POLD1: variants seen among roughly 807,000 people sequenced by gnomAD.
POLD1 encodes the protein DNA polymerase delta 1, catalytic subunit.
In POLD1, 79 loss-of-function variants were observed where a neutral mutation model predicts 129.7. The ratio of observed to expected loss-of-function variants is 0.61; its 90% CI spans 0.51 to 0.73. The LOEUF is 0.73. Among genes scored for constraint, POLD1 ranks in the 30% least tolerant of loss-of-function variants. The pLI is 0.00. For synonymous variants in POLD1, 714 were observed against 683.3 expected (o/e 1.04, Z -0.70); for missense variants, 1,338 against 1,595.8 (o/e 0.84, Z 2.75).
chr19:50,393,682 A>G (rs1017801499), intron 1 of POLD1, among the ~76,000 whole-genome samples: 16 of 152,150 alleles, frequency 1.1e-4, no homozygotes, highest in Admixed American at 6.5e-5. Context: ...GAGAGAAAGT[A>G]ATAATAAAGC....
intron 10 of POLD1, among the ~76,000 whole-genome samples, chr19:50,403,956 T>C (rs1215290270): frequency 6.6e-6 from 1 of 150,520 alleles, no homozygotes. Context: ...GAGGGGGGAG[T>C]GTGTTGACTG....
intron 1 of POLD1, among the ~76,000 whole-genome samples, chr19:50,391,329 T>C (rs1161912767): frequency 6.6e-6 from 1 of 152,112 alleles, no homozygotes; most frequent in Non-Finnish European, 1.5e-5. Flanking sequence ...CTCGGCACTT[T>C]GGGAGGCCAA....
chr19:50,388,171 G>A (rs1015900396), intron 1 of POLD1, among the ~76,000 whole-genome samples: 26 of 152,198 alleles, frequency 1.7e-4, no homozygotes, highest in African/African-American at 6.3e-4. Context: ...GGTGGGGGCA[G>A]ATGGGCTGAA....
chr19:50,407,723 TA>T (rs1307837905), intron 14 of POLD1, among the ~76,000 whole-genome samples: 4 of 136,952 alleles, frequency 2.9e-5, no homozygotes, highest in African/African-American at 1.2e-4. Context: ...CACGCCTGGC[TA>T]ATTTTTTTTT....
intron 14 of POLD1, 59 bp downstream of exon 14, chr19:50,407,474 G>A (rs1419938333): frequency 8.4e-7 from 1 of 1,185,680 alleles, no homozygotes; most frequent in Admixed American, 2.3e-5. Context: ...TGAGGTGGGA[G>A]GATCACTTGA....
intron 14 of POLD1, among the ~76,000 whole-genome samples, chr19:50,407,898 C>T (rs1318767626): frequency 6.6e-6 from 1 of 151,122 alleles, no homozygotes; most frequent in African/African-American, 2.4e-5. Flanking sequence ...ATTAGCCAGG[C>T]GTGGTGGTGC....
chr19:50,408,772 G>T lies in POLD1; in HGVS notation c.1776-13G>T. On this transcript the variant is annotated splice_polypyrimidine_tract_variant and intron_variant, in intron 14 of 26. Transcript: ENST00000440232. ...CTAGCCCTGACTCCCGGCCGCGGCT[G>T]CTCCCCTCCCAGGTACTACGACGTC... 1 of 1,613,406 alleles carries T rather than the reference G, an allele frequency of 6.2e-7. No homozygotes were observed. The highest frequency in any genetic ancestry group is 8.5e-7 in the Non-Finnish European group (1 of 1,179,874).
chr19:50,402,199 C>G lies in POLD1; in HGVS notation c.590-6C>G, dbSNP rs750984038. 24 of 1,583,976 alleles carry G rather than the reference C, an allele frequency of 1.5e-5. No individual in the cohort carries two copies. The highest frequency in any genetic ancestry group is 2.0e-5 in the Non-Finnish European group (23 of 1,163,472). ...ATTGGCTGGTCCCAGCTTCTTCCAT[C>G]CACAGGCATGTTTGGGTACCACGGG... On this transcript the variant is annotated splice_polypyrimidine_tract_variant and splice_region_variant and intron_variant, in intron 5 of 26. Transcript: ENST00000440232.
intron 2 of POLD1, 55 bp from the exon 3 acceptor site, chr19:50,399,316 T>C (rs551769921): frequency 1.4e-6 from 2 of 1,438,214 alleles, no homozygotes; most frequent in African/African-American, 1.4e-5. Context: ...CATGCCATCC[T>C]GGCCGGGGAA....
intron 5 of POLD1, 23 bp from the exon 6 acceptor site, chr19:50,402,182 G>T: frequency 2.5e-6 from 4 of 1,585,228 alleles, no homozygotes; most frequent in Non-Finnish European, 3.4e-6. Context: ...CCATTGGCTG[G>T]TCCCAGCTTC....
At chr19:50,404,235 CTG>C (rs1345901447) in intron 10 of POLD1, among the ~76,000 whole-genome samples, 1 of 151,914 alleles carries the variant, frequency 6.6e-6, no homozygotes, top group African/African-American at 2.4e-5. Flanking sequence ...CGTCTTCTCT[CTG>C]TGCGTGTCTG....
chr19:50,406,462 A>G lies in POLD1; in HGVS notation c.1439A>G (p.His480Arg). Reference sequence around the variant, plus strand: ...TACACGCTCAATGCCGTGAGCTTCCACTTCCTGGGCGAGCAGAAGGAGGAC... The same window carrying G: ...TACACGCTCAATGCCGTGAGCTTCCGCTTCCTGGGCGAGCAGAAGGAGGAC... ...RSYTLNAVSF[H>R]FLGEQKEDVQ... The change falls in exon 12 of 27, where the codon CAC (histidine) becomes CGC (arginine). Residue 480 changes from histidine to arginine, a missense_variant. Around this residue, in one of 3 missense-constraint regions of POLD1, gnomAD observed 720 missense variants for 1,002.6 expected, o/e 0.72. Coordinates refer to ENST00000440232, the MANE Select transcript of POLD1 (RefSeq NM_002691.4). The surrounding 1 kb of genome is among the most constrained non-coding windows in gnomAD (Gnocchi z 5.5). 6.3e-7 allele frequency: 1 copy of G among 1,599,348 alleles called. No homozygotes were observed. The highest frequency in any genetic ancestry group is 8.5e-7 in the Non-Finnish European group (1 of 1,172,662).
rs1360896041 is a variant in POLD1 at position 50,406,971 on chromosome 19, G to A, written c.1495-12G>A. ...ACCCCTGGTCCCTGACCCCATCCGT[G>A]CCCATCCCCAGAATGGGAACGACCA... On this transcript the variant is annotated splice_polypyrimidine_tract_variant and intron_variant, in intron 12 of 26. Coordinates refer to ENST00000440232, the MANE Select transcript of POLD1 (RefSeq NM_002691.4). This position sits in a 1 kb window ranked among gnomAD's most constrained non-coding sequence, Gnocchi z 5.5. 1 of 1,571,214 alleles carries A rather than the reference G, an allele frequency of 6.4e-7. No individual in the cohort carries two copies. Among genetic ancestry groups the A allele is most frequent in the Non-Finnish European group, 8.7e-7 (1 of 1,155,784 alleles).
Position 50,416,641 on chromosome 19 carries a change from C to T in POLD1, c.2985C>T (p.Leu995=), listed in dbSNP as rs2039307193. 6.4e-7 allele frequency: 1 copy of T among 1,566,200 alleles called. No homozygotes were observed. The highest frequency in any genetic ancestry group is 8.6e-7 in the Non-Finnish European group (1 of 1,160,012). Residue 995 remains leucine, a synonymous_variant, in exon 24 of 27, where the codon CTC becomes CTT. Transcript: ENST00000440232. ...ACCACACGCGCTGCAAGACGGTGCTCACGGGCAAGGTGGGCGGCCTCCTGG... is the reference window on the plus strand; with the variant it reads ...ACCACACGCGCTGCAAGACGGTGCTTACGGGCAAGGTGGGCGGCCTCCTGG... The part of the protein sequence containing the change: ...RGDHTRCKTV[L]TGKVGGLLAF...
At chr19:50,386,213 CACT>C (rs1456242655) in intron 1 of POLD1, among the ~76,000 whole-genome samples, 1 of 151,934 alleles carries the variant, frequency 6.6e-6, no homozygotes, top group Admixed American at 6.6e-5. Flanking sequence ...GATCTCGGCT[CACT>C]AACCTCCACC....
rs1601202823 is a variant in POLD1, at chr19:50,402,712, G to C, written c.941G>C (p.Ser314Thr). The C allele has an allele frequency of 1.9e-6, 3 of 1,597,306 alleles. No individual in the cohort carries two copies. The South Asian group carries it at 3.3e-5, about 18-fold the overall frequency. ...WQRIAPLRVL[S>T]FDIECAGRKG... is the part of the protein sequence containing the mutation. ...CGCATTGCGCCCTTGCGCGTGCTCA[G>C]CTTCGATATCGAGTGCGCCGGCCGC... Residue 314 changes from serine (S) to threonine (T), a missense_variant, in exon 8 of 27, where the codon AGC becomes ACC. This residue lies in a region of POLD1 where 720 missense variants were observed against 1,002.6 expected (regional missense o/e 0.72). Transcript: ENST00000440232.
At chr19:50,413,982 G>A (rs2039186538) in intron 19 of POLD1, 103 bp downstream of exon 19, 1 of 1,240,506 alleles carries the variant, frequency 8.1e-7, no homozygotes, top group East Asian at 2.5e-5. Flanking sequence ...AAGGGATGTT[G>A]CTGCTTAGAT....
chr19:50,409,736 T>C lies in POLD1; in HGVS notation c.2154+70T>C, dbSNP rs2122392870. 6.7e-7 allele frequency: 1 copy of C among 1,483,746 alleles called. No individual in the cohort carries two copies. The highest frequency in any genetic ancestry group is 9.1e-7 in the Non-Finnish European group (1 of 1,099,556). The allele number at this position is 1,483,746 out of a possible 1,614,324, so 91.9% of individuals were successfully genotyped here. A position where few individuals can be genotyped will look rare whatever the true frequency, so the allele number is the denominator to read the frequency against. On this transcript the variant is annotated intron_variant, in intron 17 of 26. Coordinates refer to ENST00000440232, the MANE Select transcript of POLD1 (RefSeq NM_002691.4). The surrounding 1 kb of genome is among the most constrained non-coding windows in gnomAD (Gnocchi z 5.8). The stretch of plus-strand genomic sequence containing the variant: ...CCCTGTGTAGGAGACCAGGGCTCCA[T>C]GTGGGGGACCTGTATCCAGAGGACT...
In POLD1 at chr19:50,414,919, C is replaced by T. The variant is rs1057522877; in HGVS notation, c.2493C>T (p.Ala831=). ...HDRMDCKGLE[A]VRRDNCPLVA... is the part of the protein sequence containing the mutation. ...GCATGGACTGCAAGGGCCTGGAGGC[C>T]GTGCGCAGGGACAACTGCCCCCTCG... Residue 831 remains alanine (A), a synonymous_variant, in exon 20 of 27, where the codon GCC becomes GCT. Coordinates refer to ENST00000440232, the MANE Select transcript of POLD1 (RefSeq NM_002691.4). 7 of 1,610,506 alleles carry T rather than the reference C, an allele frequency of 4.3e-6. No individual in the cohort carries two copies. Among genetic ancestry groups the T allele is most frequent in the African/African-American group, 2.7e-5 (2 of 74,866 alleles).
Sources: gnomAD v4.1 joint callset for allele counts (sites outside exome capture counted in the v4.1 genomes callset) on GRCh38, gnomAD v4.1.1 for gene constraint, gnomAD v4.1.1 regional missense constraint, Gnocchi (gnomAD v3.1) non-coding constraint, MANE v1.5 for transcripts, NCBI Gene and HGNC (gene_info 2026-07-23, HGNC 2026-07-21) for gene names.